PDE6B: variants seen among roughly 807,000 people sequenced by gnomAD.
PDE6B encodes rod cGMP-specific 3',5'-cyclic phosphodiesterase subunit beta.
In PDE6B, 106 loss-of-function variants were observed where a neutral mutation model predicts 109.0. The observed-to-expected ratio is 0.97, with a 90% CI of 0.83 to 1.14. The LOEUF (loss-of-function observed/expected upper bound fraction) is 1.14. Ranked by LOEUF, PDE6B falls within the 50% of genes most tolerant of loss-of-function variation. The probability of loss-of-function intolerance (pLI) is 0.00; values close to 1 mark genes in which losing one functional copy is unlikely to be tolerated. For missense variants in PDE6B, 1,193 were observed against 1,155.6 expected (o/e 1.03, Z -0.47); for synonymous variants, 490 against 471.3 (o/e 1.04, Z -0.51).
chr4:659,136 G>T (rs1477452012), intron 11 of PDE6B, 119 bp downstream of exon 11: 8 of 758,658 alleles, frequency 1.1e-5, no homozygotes, highest in Non-Finnish European at 1.6e-5. Flanking sequence ...AGGGATGTTG[G>T]TGCTGTGTGT....
At chr4:652,029 G>A in intron 3 of PDE6B, 1 of 161,460 alleles carries the variant, frequency 6.2e-6, no homozygotes, top group Non-Finnish European at 1.4e-5. Context: ...TGGGGTCAGG[G>A]CAGGAGAGTG....
In PDE6B at chr4:625,653, G is replaced by C; in HGVS notation, c.27G>C (p.Arg9=). MSLSEEQA[R]SFLDQNPDFA... is the part of the protein sequence containing the mutation. ...TGAGCCTCAGTGAGGAGCAGGCCCGGAGCTTTCTGGACCAGAACCCCGATT... is the reference window on the plus strand; with the variant it reads ...TGAGCCTCAGTGAGGAGCAGGCCCGCAGCTTTCTGGACCAGAACCCCGATT... Residue 9 remains arginine, a synonymous_variant, in exon 1 of 22, where the codon CGG becomes CGC. Coordinates refer to ENST00000496514, the MANE Select transcript of PDE6B (RefSeq NM_000283.4). This position sits in a 1 kb window ranked among gnomAD's most constrained non-coding sequence, Gnocchi z 5.0. 1 of 1,613,916 alleles carries C rather than the reference G, an allele frequency of 6.2e-7. No homozygotes were observed. The highest frequency in any genetic ancestry group is 8.5e-7 in the Non-Finnish European group (1 of 1,179,910).
At chr4:645,583 C>A (rs1456666449) in intron 3 of PDE6B, among the ~76,000 whole-genome samples, 1 of 151,926 alleles carries the variant, frequency 6.6e-6, no homozygotes, top group South Asian at 2.1e-4. Flanking sequence ...GCGTGAGCCA[C>A]CGCGCCCGGC....
intron 2 of PDE6B, 28 bp downstream of exon 2, chr4:634,857 G>A (rs770278531): frequency 1.8e-5 from 29 of 1,606,658 alleles, no homozygotes; most frequent in South Asian, 1.2e-4. Context: ...CTGGGCAGCC[G>A]CGCGTCTGCC....
At chr4:653,829 C>T (rs1735835924) in intron 3 of PDE6B, 23 bp from the exon 4 acceptor site, 6 of 1,613,010 alleles carry the variant, frequency 3.7e-6, no homozygotes, top group Non-Finnish European at 5.1e-6. Context: ...GCCACAGGCC[C>T]ACAGGTGTGC....
intron 6 of PDE6B, chr4:655,412 G>A (rs1356395798): frequency 1.1e-5 from 3 of 281,170 alleles, no homozygotes; most frequent in Non-Finnish European, 2.1e-5. Context: ...CCATCCCCAG[G>A]CCCCAAGCAG....
chr4:656,021 G>T lies in PDE6B; in HGVS notation c.1059+15G>T, dbSNP rs959323312. The T allele has an allele frequency of 6.5e-7, 1 of 1,543,668 alleles. No homozygotes were observed. The highest frequency in any genetic ancestry group is 1.7e-5 in the Admixed American group (1 of 59,946). On this transcript the variant is annotated intron_variant, in intron 7 of 21. Transcript: ENST00000496514. Reference sequence around the variant, plus strand: ...AAAGCGGCTTTGTGAGTCCCGTGCTGTCTGGAGTCCCCACAGCCTTGCCCT... The same window carrying T: ...AAAGCGGCTTTGTGAGTCCCGTGCTTTCTGGAGTCCCCACAGCCTTGCCCT...
chr4:666,346 T>G lies in PDE6B; in HGVS notation c.2269-185T>G, dbSNP rs1737793203. 6.6e-6 allele frequency among the ~76,000 whole-genome samples: 1 copy of G among 152,060 alleles called. No individual in the cohort carries two copies. The highest frequency in any genetic ancestry group is 2.1e-4 in the South Asian group (1 of 4,814). On this transcript the variant is annotated intron_variant, in intron 19 of 21. Transcript: ENST00000496514. The surrounding 1 kb of genome is among the most constrained non-coding windows in gnomAD (Gnocchi z 5.6). ...GAAGCTGCCCACAGTTCCTAGGAGC[T>G]GTGGAGCCGCTGGCCAAGGGAGAGG... is the stretch of plus-strand genomic sequence containing the variant.
intron 21 of PDE6B, 24 bp downstream of exon 21, chr4:668,030 G>A: frequency 6.2e-7 from 1 of 1,605,760 alleles, no homozygotes; most frequent in East Asian, 2.2e-5. Flanking sequence ...TGGCCTGTGG[G>A]GCAGGGACTC....
intron 20 of PDE6B, among the ~76,000 whole-genome samples, chr4:667,335 G>A (rs1737911348): frequency 6.6e-6 from 1 of 152,186 alleles, no homozygotes; most frequent in South Asian, 2.1e-4. Context: ...GTCAGTGCTG[G>A]GGAGAAGGTG....
At chr4:660,757 C>G in intron 12 of PDE6B, 144 bp downstream of exon 12, 2 of 731,738 alleles carry the variant, frequency 2.7e-6, no homozygotes, top group South Asian at 1.5e-5. Flanking sequence ...TTTAGAGGGC[C>G]GACATGTTCA....
chr4:657,234 G>A lies in PDE6B; in HGVS notation c.1258-117G>A, dbSNP rs918811133. 66 of 1,283,026 alleles carry A rather than the reference G, an allele frequency of 5.1e-5. 1 individual carries two copies. In the African/African-American group the frequency reaches 7.0e-4, roughly 14 times the overall value. The allele number at this position is 1,283,026 out of a possible 1,614,324, so 79.5% of individuals were successfully genotyped here. On this transcript the variant is annotated intron_variant, in intron 9 of 21. Transcript: ENST00000496514. ...GGGAGACCCCACACAGAAGCACTGC[G>A]ACACCATGGTGGCAGCCCCAGGACC...
intron 3 of PDE6B, among the ~76,000 whole-genome samples, chr4:641,668 A>G (rs1734951143): frequency 6.6e-6 from 1 of 152,142 alleles, no homozygotes; most frequent in Non-Finnish European, 1.5e-5. Flanking sequence ...GTTTTCTGAG[A>G]CAGAGTCTCA....
chr4:662,464 C>A lies in PDE6B; in HGVS notation c.1723-45C>A, dbSNP rs1051090591. Reference sequence around the variant, plus strand: ...TCCCAACCCCTCACCACTCCCCACCCTGCTGGAGCCAGGACCGGTGAGCAA... The same window carrying A: ...TCCCAACCCCTCACCACTCCCCACCATGCTGGAGCCAGGACCGGTGAGCAA... On this transcript the variant is annotated intron_variant, in intron 13 of 21. Coordinates refer to ENST00000496514, the MANE Select transcript of PDE6B (RefSeq NM_000283.4). The surrounding 1 kb of genome is among the most constrained non-coding windows in gnomAD (Gnocchi z 4.3). 1.5e-6 allele frequency: 2 copies of A among 1,360,606 alleles called. No homozygotes were observed. The highest frequency in any genetic ancestry group is 1.4e-5 in the African/African-American group (1 of 70,146). The allele number at this position is 1,360,606 out of a possible 1,614,324, so 84.3% of individuals were successfully genotyped here. A position where few individuals can be genotyped will look rare whatever the true frequency, so the allele number is the denominator to read the frequency against.
At position 657,339 on chromosome 4, in the gene PDE6B, C is replaced by T. The variant is rs747380279; in HGVS notation, c.1258-12C>T. On this transcript the variant is annotated splice_polypyrimidine_tract_variant and intron_variant, in intron 9 of 21. Transcript: ENST00000496514. ...GAGCGCTGAGCGCCAGTGACACTGC[C>T]ATCCCCTCCAGTCCCTGACACAGTT... 1 of 1,612,618 alleles carries T rather than the reference C, an allele frequency of 6.2e-7. No individual in the cohort carries two copies. The highest frequency in any genetic ancestry group is 2.2e-5 in the East Asian group (1 of 44,878).
At position 663,443 on chromosome 4, in the gene PDE6B, G is replaced by A. The variant is rs553464199; in HGVS notation, c.1920+256G>A. Among the ~76,000 whole-genome samples, 2 of 152,186 alleles carry A rather than the reference G, an allele frequency of 1.3e-5. No individual in the cohort carries two copies. The highest frequency in any genetic ancestry group is 4.8e-5 in the African/African-American group (2 of 41,454). The stretch of plus-strand genomic sequence containing the variant: ...GTGGGGTGGAAGCCGAAGGGGAAGC[G>A]GCCCGGGACCCACCAGCGGGGGAAT... On this transcript the variant is annotated intron_variant, in intron 15 of 21. Coordinates refer to ENST00000496514, the MANE Select transcript of PDE6B (RefSeq NM_000283.4). This position sits in a 1 kb window ranked among gnomAD's most constrained non-coding sequence, Gnocchi z 4.0.
intron 1 of PDE6B, among the ~76,000 whole-genome samples, chr4:634,064 A>G (rs1425396596): frequency 6.6e-6 from 1 of 151,614 alleles, no homozygotes; most frequent in Admixed American, 6.6e-5. Flanking sequence ...TGGGCCCCAG[A>G]CCCCAGGGGG....
In PDE6B at chr4:635,979, C is replaced by A. The variant is rs201100689; in HGVS notation, c.711+10C>A. ...GACGCGCCGCGGCCAGGTACCCACACGCTGAGCACAGCTCTGCCCACGAGG... is the reference window on the plus strand; with the variant it reads ...GACGCGCCGCGGCCAGGTACCCACAAGCTGAGCACAGCTCTGCCCACGAGG... On this transcript the variant is annotated intron_variant, in intron 3 of 21. Coordinates refer to ENST00000496514, the MANE Select transcript of PDE6B (RefSeq NM_000283.4). 2.0e-6 allele frequency: 3 copies of A among 1,530,544 alleles called. No homozygotes were observed. Among genetic ancestry groups the A allele is most frequent in the Admixed American group, 1.7e-5 (1 of 59,944 alleles). 94.8% of individuals were successfully genotyped at this position (1,530,544 alleles called of 1,614,324 possible).
intron 5 of PDE6B, chr4:654,590 ATG>A: frequency 1.6e-6 from 1 of 629,158 alleles, no homozygotes; most frequent in Non-Finnish European, 2.9e-6. Context: ...GACGGTCTGC[ATG>A]TGTGTGCACC....
Sources: gnomAD v4.1 joint callset for allele counts (sites outside exome capture counted in the v4.1 genomes callset) on GRCh38, gnomAD v4.1.1 for gene constraint, Gnocchi (gnomAD v3.1) non-coding constraint, MANE v1.5 for transcripts, NCBI Gene and HGNC (gene_info 2026-07-23, HGNC 2026-07-21) for gene names.